Variants in TIAM1 observed in about 807,000 individuals in gnomAD.
TIAM1 encodes rho guanine nucleotide exchange factor TIAM1.
In TIAM1, 65 loss-of-function variants were observed where a neutral mutation model predicts 163.5. The observed-to-expected ratio is 0.40, with a 90% CI of 0.33 to 0.49. The LOEUF (loss-of-function observed/expected upper bound fraction) is 0.49, where lower values mean the gene tolerates loss of function less well. Ranked by LOEUF, TIAM1 falls within the 20% of genes least tolerant of loss-of-function variation. The pLI, the probability that TIAM1 is intolerant of heterozygous loss-of-function variation, is 0.77. For missense variants in TIAM1, 1,789 were observed against 2,044.7 expected (o/e 0.87, Z 2.41); for synonymous variants, 833 against 810.1 (o/e 1.03, Z -0.48).
At chr21:31,513,294 G>C (rs1037937418) in intron 1 of TIAM1, among the ~76,000 whole-genome samples, 3 of 152,214 alleles carry the variant, frequency 2.0e-5, no homozygotes, top group Non-Finnish European at 4.4e-5. Context: ...TTTACAGGTG[G>C]GGAAACTGAG....
intron 2 of TIAM1, among the ~76,000 whole-genome samples, chr21:31,394,165 C>G (rs796131634): frequency 6.6e-6 from 1 of 151,978 alleles, no homozygotes; most frequent in African/African-American, 2.4e-5. Flanking sequence ...GAATATTATC[C>G]GGCACTGAGA....
At chr21:31,270,912 G>A (rs1260467225) in intron 3 of TIAM1, among the ~76,000 whole-genome samples, 2 of 152,038 alleles carry the variant, frequency 1.3e-5, no homozygotes, top group African/African-American at 4.8e-5. Flanking sequence ...CTGCCTTTCC[G>A]CCTACTCCAC....
intron 2 of TIAM1, among the ~76,000 whole-genome samples, chr21:31,442,287 C>T (rs2044464631): frequency 7.1e-6 from 1 of 140,236 alleles, no homozygotes; most frequent in South Asian, 2.4e-4. Flanking sequence ...GGCTGGAGTG[C>T]AGTGGCACGA....
intron 1 of TIAM1, among the ~76,000 whole-genome samples, chr21:31,467,426 G>C (rs1008878795): frequency 6.6e-5 from 10 of 151,998 alleles, no homozygotes; most frequent in Admixed American, 1.3e-4. Flanking sequence ...AGGAGTTCGA[G>C]ACCAGCCTAG....
chr21:31,333,186 C>G (rs538512962), intron 2 of TIAM1, among the ~76,000 whole-genome samples: 1 of 152,300 alleles, frequency 6.6e-6, no homozygotes, highest in African/African-American at 2.4e-5. Context: ...TTCTCAGCTG[C>G]CCCGAGGGCT....
At chr21:31,197,471 G>A (rs1042004821) in intron 12 of TIAM1, among the ~76,000 whole-genome samples, 4 of 150,072 alleles carry the variant, frequency 2.7e-5, no homozygotes, top group Non-Finnish European at 4.4e-5. Flanking sequence ...CGCCTCCCAG[G>A]TTCACGCCAT....
At chr21:31,349,926 C>A (rs780521307) in intron 2 of TIAM1, among the ~76,000 whole-genome samples, 1 of 152,208 alleles carries the variant, frequency 6.6e-6, no homozygotes, top group African/African-American at 2.4e-5. Context: ...TGGGCACATG[C>A]CCAACACTGT....
At chr21:31,228,587 C>T (rs2088199946) in intron 6 of TIAM1, among the ~76,000 whole-genome samples, 1 of 152,108 alleles carries the variant, frequency 6.6e-6, no homozygotes, top group South Asian at 2.1e-4. Flanking sequence ...GATAATCACA[C>T]AATGAAATAC....
chr21:31,462,211 C>A (rs1156936914), intron 2 of TIAM1, among the ~76,000 whole-genome samples: 1 of 152,132 alleles, frequency 6.6e-6, no homozygotes, highest in Non-Finnish European at 1.5e-5. Context: ...GCTGTTGTAA[C>A]AAGAAAGCGC....
chr21:31,386,445 A>G (rs1569286038), intron 2 of TIAM1, among the ~76,000 whole-genome samples: 1 of 152,170 alleles, frequency 6.6e-6, no homozygotes, highest in Non-Finnish European at 1.5e-5. Flanking sequence ...CAAAAGACCC[A>G]TAGAAGATTA....
At position 31,363,268 on chromosome 21, in the gene TIAM1, C is replaced by T. The variant is rs557550297; in HGVS notation, c.-368-23846G>A. On this transcript the variant is annotated intron_variant, in intron 2 of 28. Transcript: ENST00000286827. ...GGATGAAAGACAGAGAGCATTTGAT[C>T]GTGTTAACTTCCCTGGGTCCAGCTG... Among the ~76,000 whole-genome samples, 11 of 152,244 alleles carry T rather than the reference C, an allele frequency of 7.2e-5. No individual in the cohort carries two copies. In the South Asian group the frequency reaches 2.3e-3, roughly 32 times the overall value.
intron 25 of TIAM1, 63 bp downstream of exon 25, chr21:31,130,150 C>T (rs922937875): frequency 8.2e-7 from 1 of 1,219,650 alleles, no homozygotes; most frequent in African/African-American, 1.6e-5. Flanking sequence ...TGGATTCAAA[C>T]AAATAATTCC....
chr21:31,124,229 G>A, intron 27 of TIAM1: 2 of 312,062 alleles, frequency 6.4e-6, no homozygotes, highest in African/African-American at 2.1e-5. Context: ...GAAAGAGGAT[G>A]TGTCTGCAAC....
chr21:31,398,461 T>C (rs546653705), intron 2 of TIAM1, among the ~76,000 whole-genome samples: 37 of 152,310 alleles, frequency 2.4e-4, no homozygotes, highest in African/African-American at 8.4e-4. Context: ...CCACTAAAAA[T>C]GAGAAATAAC....
chr21:31,384,506 T>C lies in TIAM1; in HGVS notation c.-368-45084A>G, dbSNP rs1039417955. ...GGGAGGATTGTTTGAGCACAGCAGC[T>C]TGAGGCTGCAGTGAGCTATGATCAC... On this transcript the variant is annotated intron_variant, in intron 2 of 28. Transcript: ENST00000286827. 3.6e-4 allele frequency among the ~76,000 whole-genome samples: 54 copies of C among 152,096 alleles called. 2 individuals carry two copies. Among genetic ancestry groups the C allele is most frequent in the Non-Finnish European group, 1.5e-4 (10 of 68,018 alleles).
Position 31,519,407 on chromosome 21 carries a change from G to A in TIAM1, c.-422+39520C>T, listed in dbSNP as rs569058318. Among the ~76,000 whole-genome samples the A allele has an allele frequency of 1.1e-3, 173 of 150,734 alleles. 1 individual carries two copies. Among genetic ancestry groups the A allele is most frequent in the Admixed American group, 3.5e-3 (52 of 15,072 alleles). On this transcript the variant is annotated intron_variant, in intron 1 of 28. Transcript: ENST00000286827. ...GTTTGTCATCCCAGCTACTCAGGAG[G>A]TTGAGGCATGAGAATTGATTGAACC...
At chr21:31,215,187 A>G (rs927099638) in intron 9 of TIAM1, among the ~76,000 whole-genome samples, 1 of 152,148 alleles carries the variant, frequency 6.6e-6, no homozygotes, top group African/African-American at 2.4e-5. Context: ...CACATGAACA[A>G]AGGGTTTTGT....
intron 2 of TIAM1, among the ~76,000 whole-genome samples, chr21:31,335,623 T>C (rs1023160536): frequency 7.3e-5 from 11 of 151,584 alleles, no homozygotes; most frequent in African/African-American, 2.7e-4. Context: ...GAGAATTGCT[T>C]GAACCTGGGA....
chr21:31,215,517 C>T (rs887931153), intron 9 of TIAM1, among the ~76,000 whole-genome samples: 41 of 144,508 alleles, frequency 2.8e-4, no homozygotes, highest in African/African-American at 8.7e-4. Context: ...GCTGAGATCG[C>T]GCCATTGCAC....
Sources: gnomAD v4.1 joint callset for allele counts (sites outside exome capture counted in the v4.1 genomes callset) on GRCh38, gnomAD v4.1.1 for gene constraint, MANE v1.5 for transcripts, NCBI Gene and HGNC (gene_info 2026-07-23, HGNC 2026-07-21) for gene names.